Variants in PYROXD2 observed in about 807,000 individuals in gnomAD.
The protein encoded by PYROXD2 is pyridine nucleotide-disulphide oxidoreductase domain 2, also known as pyridine nucleotide-disulfide oxidoreductase domain-containing protein 2.
A neutral mutation model predicts 71.1 loss-of-function variants in PYROXD2; 69 were observed. The ratio of observed to expected loss-of-function variants is 0.97; its 90% confidence interval spans 0.80 to 1.19. The LOEUF (loss-of-function observed/expected upper bound fraction) is 1.19, where lower values mean the gene tolerates loss of function less well. Ranked by LOEUF, PYROXD2 falls within the 50% of genes most tolerant of loss-of-function variation. PYROXD2 has a pLI of 0.00. For missense variants in PYROXD2, 745 were observed against 748.9 expected, an observed-to-expected ratio of 0.99 and a Z score of 0.06; for synonymous variants, 287 against 302.7, an observed-to-expected ratio of 0.95 and a Z score of 0.54.
intron 4 of PYROXD2, 118 bp downstream of exon 4, chr10:98,407,464 A>C: frequency 8.0e-7 from 1 of 1,256,744 alleles, no homozygotes; most frequent in Non-Finnish European, 1.1e-6. Flanking sequence ...CTTGGGTGGA[A>C]GAGGGAGCCC....
Position 98,388,481 on chromosome 10 carries a change from G to C in PYROXD2, c.1320C>G (p.Ser440=), listed in dbSNP as rs1164688399. 6.2e-7 allele frequency: 1 copy of C among 1,610,800 alleles called. No individual in the cohort carries two copies. The highest frequency in any genetic ancestry group is 1.3e-5 in the African/African-American group (1 of 74,564). Residue 440 remains serine (S), a synonymous_variant, in exon 13 of 16, where the codon TCC becomes TCG. Coordinates refer to ENST00000370575, the MANE Select transcript of PYROXD2 (RefSeq NM_032709.3). The stretch of plus-strand genomic sequence containing the variant: ...GGGGAGCCAGGGTGGGGTCCAGCGA[G>C]GAAGGGATGCAGAGCTCAATCACAG... ...HRPVIELCIP[S]SLDPTLAPPG... is the part of the protein sequence containing the mutation.
chr10:98,405,357 C>A (rs1169289641), intron 4 of PYROXD2, among the ~76,000 whole-genome samples: 1 of 152,174 alleles, frequency 6.6e-6, no homozygotes, highest in African/African-American at 2.4e-5. Flanking sequence ...CAAAGCCAAG[C>A]CTCTCACTTT....
Position 98,393,016 on chromosome 10 carries a change from C to A in PYROXD2, c.853G>T (p.Gly285Trp), listed in dbSNP as rs1191351753. ...GCATCAGAGAGGGCACCCATGCCCC[C>A]CTGGACGTAGCCCCAGGCCCCCTGC... Reference protein sequence around the residue: ...GMQGAWGYVQGGMGALSDAIA... With the variant: ...GMQGAWGYVQWGMGALSDAIA... Residue 285 changes from glycine (G) to tryptophan (W), a missense_variant, in exon 9 of 16, where the codon GGG becomes TGG. By Grantham distance (184) the Gly-to-Trp change is radical. Coordinates refer to ENST00000370575, the MANE Select transcript of PYROXD2 (RefSeq NM_032709.3). 6.2e-6 allele frequency: 10 copies of A among 1,612,766 alleles called. No individual in the cohort carries two copies. Among genetic ancestry groups the A allele is most frequent in the Non-Finnish European group, 6.8e-6 (8 of 1,179,074 alleles).
intron 8 of PYROXD2, among the ~76,000 whole-genome samples, chr10:98,393,493 G>C (rs1590944508): frequency 6.6e-6 from 1 of 152,080 alleles, no homozygotes; most frequent in African/African-American, 2.4e-5. Context: ...CTTTCAACAG[G>C]AGGTTCTGTT....
chr10:98,392,300 C>CA (rs1491322290), intron 10 of PYROXD2, 132 bp downstream of exon 10: 36 of 1,453,144 alleles, frequency 2.5e-5, no homozygotes, highest in African/African-American at 4.2e-5. Context: ...CCTTACCCCC[C>CA]TGTTTCCCAA....
rs369096227 is a variant in PYROXD2, at chr10:98,392,422, A to G, written c.1062+10T>C. ...ACATCTAAGCTCCACCCTCCTGCCC[A>G]CAGCCTCACCTGTGGCGTCAGCTTC... On this transcript the variant is annotated intron_variant, in intron 10 of 15. Coordinates refer to ENST00000370575, the MANE Select transcript of PYROXD2 (RefSeq NM_032709.3). The G allele has an allele frequency of 1.2e-6, 2 of 1,612,676 alleles. No individual in the cohort carries two copies. Among genetic ancestry groups the G allele is most frequent in the African/African-American group, 2.7e-5 (2 of 74,904 alleles).
In PYROXD2 at chr10:98,391,083, C is replaced by T. The variant is rs1842931235; in HGVS notation, c.1063-1G>A. On this transcript the variant is annotated splice_acceptor_variant, in intron 10 of 15. Coordinates refer to ENST00000370575, the MANE Select transcript of PYROXD2 (RefSeq NM_032709.3). LOFTEE classifies it high-confidence loss of function. ...CCAGGAACTCCTCAGGAAGCCACTCCTGGAAGGAGAAGGCTCCATGAAAGG... is the reference window on the plus strand; with the variant it reads ...CCAGGAACTCCTCAGGAAGCCACTCTTGGAAGGAGAAGGCTCCATGAAAGG... 1 of 1,607,366 alleles carries T rather than the reference C, an allele frequency of 6.2e-7. No homozygotes were observed. The highest frequency in any genetic ancestry group is 1.3e-5 in the African/African-American group (1 of 74,864).
intron 5 of PYROXD2, among the ~76,000 whole-genome samples, chr10:98,397,706 G>A (rs1294992349): frequency 6.6e-6 from 1 of 152,044 alleles, no homozygotes; most frequent in Non-Finnish European, 1.5e-5. Context: ...GGGTGGTGGT[G>A]GTCAGGAGAC....
chr10:98,388,619 C>T (rs996454137), intron 12 of PYROXD2, 111 bp from the exon 13 acceptor site: 19 of 1,182,582 alleles, frequency 1.6e-5, no homozygotes, highest in African/African-American at 3.2e-5. Flanking sequence ...CAATTCTGGG[C>T]GATTGTCGCT....
rs763208256 is a variant in PYROXD2 at position 98,384,926 on chromosome 10, G to T, written c.1675+21C>A. 7.5e-6 allele frequency: 12 copies of T among 1,604,186 alleles called. No individual in the cohort carries two copies. The East Asian group carries it at 2.7e-4, about 36-fold the overall frequency. On this transcript the variant is annotated intron_variant, in intron 15 of 15. Transcript: ENST00000370575. ...GAGCCCTCCCAGTCCCCACAGGGTA[G>T]TGGGACTCCAGGTCACTCACCAGGA...
intron 14 of PYROXD2, 90 bp downstream of exon 14, chr10:98,387,111 G>A (rs1402189309): frequency 1.0e-6 from 1 of 957,720 alleles, no homozygotes; most frequent in East Asian, 2.6e-5. Flanking sequence ...GCTGAGTATG[G>A]AGGGACAAGA....
At position 98,383,655 on chromosome 10, in the gene PYROXD2, G is replaced by C. The variant is rs1052060452; in HGVS notation, c.*143C>G. 1 of 731,392 alleles carries C rather than the reference G, an allele frequency of 1.4e-6. No individual in the cohort carries two copies. The highest frequency in any genetic ancestry group is 1.7e-5 in the African/African-American group (1 of 57,170). 45.3% of individuals were successfully genotyped at this position (731,392 alleles called of 1,614,324 possible). ...GGTCAACTTGCACTAAATGTAACTC[G>C]TACGTTTTTTCTAAAATAATTTCTT... On this transcript the variant is annotated 3_prime_UTR_variant, in exon 16 of 16. Transcript: ENST00000370575.
chr10:98,387,065 C>T (rs926922798), intron 14 of PYROXD2, 136 bp downstream of exon 14: 11 of 622,410 alleles, frequency 1.8e-5, no homozygotes, highest in African/African-American at 3.8e-5. Flanking sequence ...CTCTCTCAGC[C>T]GGGGTCCCTG....
At chr10:98,388,052 A>C in intron 13 of PYROXD2, 1 of 331,024 alleles carries the variant, frequency 3.0e-6, no homozygotes, top group Non-Finnish European at 5.7e-6. Flanking sequence ...TCTCTGGCTC[A>C]TGCGTCTCCT....
rs752287142 is a variant in PYROXD2, at chr10:98,405,641, C to T, written c.315+1941G>A. The stretch of plus-strand genomic sequence containing the variant: ...GTGAGCTGTGGAGCAGGGAGGCAGA[C>T]GCAGCCGGCCGGTTTCCAGCAGCTC... On this transcript the variant is annotated intron_variant, in intron 4 of 15. Transcript: ENST00000370575. 5.3e-5 allele frequency among the ~76,000 whole-genome samples: 8 copies of T among 152,190 alleles called. No individual in the cohort carries two copies. The South Asian group carries it at 6.2e-4, about 12-fold the overall frequency.
chr10:98,400,451 T>C (rs1056169636), intron 4 of PYROXD2, among the ~76,000 whole-genome samples, 194 bp from the exon 5 acceptor site: 1 of 152,166 alleles, frequency 6.6e-6, no homozygotes, highest in Non-Finnish European at 1.5e-5. Flanking sequence ...TAGACGATAC[T>C]GTATCACATC....
chr10:98,387,055 C>T (rs1346994057), intron 14 of PYROXD2, 146 bp downstream of exon 14: 3 of 590,382 alleles, frequency 5.1e-6, no homozygotes, highest in Non-Finnish European at 8.8e-6. Flanking sequence ...CTTCTCTGCC[C>T]TCTCTCAGCC....
At position 98,415,166 on chromosome 10, in the gene PYROXD2, G is replaced by C. The variant is rs2296437; in HGVS notation, c.-31C>G. 4.2e-4 allele frequency: 668 copies of C among 1,606,088 alleles called. 6 individuals are homozygous for C. The East Asian group carries it at 0.014, about 33-fold the overall frequency. On this transcript the variant is annotated 5_prime_UTR_variant, in exon 1 of 16. Coordinates refer to ENST00000370575, the MANE Select transcript of PYROXD2 (RefSeq NM_032709.3). Reference sequence around the variant, plus strand: ...CCCCAGGCTGGGCCTTGCTAGGCAGGGAGTTTGCTAGCGATTGGCTTTTGT... The same window carrying C: ...CCCCAGGCTGGGCCTTGCTAGGCAGCGAGTTTGCTAGCGATTGGCTTTTGT...
Position 98,385,087 on chromosome 10 carries a change from G to A in PYROXD2, c.1555-20C>T, listed in dbSNP as rs1354083039. On this transcript the variant is annotated intron_variant, in intron 14 of 15. Coordinates refer to ENST00000370575, the MANE Select transcript of PYROXD2 (RefSeq NM_032709.3). ...TATGTTCTGCAGAGGCAGGGCCACAGTCATCAGCACAGGAGAGTTACAGCC... is the reference window on the plus strand; with the variant it reads ...TATGTTCTGCAGAGGCAGGGCCACAATCATCAGCACAGGAGAGTTACAGCC... The A allele has an allele frequency of 1.2e-6, 2 of 1,613,238 alleles. No homozygotes were observed. Among genetic ancestry groups the A allele is most frequent in the Admixed American group, 1.7e-5 (1 of 59,988 alleles).
Sources: gnomAD v4.1 joint callset for allele counts (sites outside exome capture counted in the v4.1 genomes callset) on GRCh38, gnomAD v4.1.1 for gene constraint, MANE v1.5 for transcripts, NCBI Gene and HGNC (gene_info 2026-07-23, HGNC 2026-07-21) for gene names.